Variants in KAT7 observed in about 807,000 individuals in gnomAD.
KAT7 encodes lysine acetyltransferase 7.
Under a neutral mutation model 82.1 loss-of-function variants are expected in KAT7, and 10 were observed. The ratio of observed to expected loss-of-function variants is 0.12; its 90% CI spans 0.08 to 0.21. The LOEUF is 0.21. Among genes scored for constraint, KAT7 ranks in the 10% least tolerant of loss-of-function variants. The pLI is 1.00. For missense variants in KAT7, 378 were observed against 760.9 expected, an observed-to-expected ratio of 0.50 and a Z score of 5.92; for synonymous variants, 250 against 262.5, an observed-to-expected ratio of 0.95 and a Z score of 0.46.
intron 1 of KAT7, among the ~76,000 whole-genome samples, chr17:49,791,550 C>T (rs918639918): frequency 2.1e-4 from 32 of 152,106 alleles, no homozygotes; most frequent in African/African-American, 7.0e-4. Flanking sequence ...CCCAGCTACT[C>T]GGGAGGCTGA....
chr17:49,820,721 T>TGG (rs1164193383), intron 9 of KAT7, among the ~76,000 whole-genome samples: 4 of 151,622 alleles, frequency 2.6e-5, no homozygotes, highest in African/African-American at 7.3e-5. Context: ...GACCCTAGCT[T>TGG]CCTGCTGCTC....
At chr17:49,808,514 G>T (rs1245283039) in intron 5 of KAT7, among the ~76,000 whole-genome samples, 2 of 150,042 alleles carry the variant, frequency 1.3e-5, no homozygotes, top group African/African-American at 2.5e-5. Flanking sequence ...GCAGTGGTGC[G>T]ATCTCGGCTC....
At position 49,830,295 on chromosome 17, in the gene KAT7, G is replaced by A. The variant is rs1202732161; in HGVS notation, c.*2793G>A. 3 of 146,576 alleles carry A rather than the reference G, an allele frequency of 2.0e-5. No individual in the cohort carries two copies. The highest frequency in any genetic ancestry group is 7.7e-5 in the African/African-American group (3 of 38,968). The allele number at this position is 146,576 out of a possible 1,614,324, so 9.1% of individuals were successfully genotyped here. ...TGCAATGTCTGCCTCCTGGATTCCAGTGATTCTCCTGCCTCAGCCTCTCAA... is the reference window on the plus strand; with the variant it reads ...TGCAATGTCTGCCTCCTGGATTCCAATGATTCTCCTGCCTCAGCCTCTCAA... On this transcript the variant is annotated 3_prime_UTR_variant, in exon 15 of 15. Coordinates refer to ENST00000259021, the MANE Select transcript of KAT7 (RefSeq NM_007067.5).
At chr17:49,799,738 A>T (rs139207142) in intron 4 of KAT7, among the ~76,000 whole-genome samples, 46 of 151,894 alleles carry the variant, frequency 3.0e-4, no homozygotes, top group Non-Finnish European at 3.4e-4. Context: ...ATCATAGCTC[A>T]CTGCAGCCTT....
chr17:49,788,728 G>T lies in KAT7; in HGVS notation c.-107G>T. 1.6e-6 allele frequency: 2 copies of T among 1,241,290 alleles called. No individual in the cohort carries two copies. The highest frequency in any genetic ancestry group is 1.1e-6 in the Non-Finnish European group (1 of 905,128). The allele number at this position is 1,241,290 out of a possible 1,614,324, so 76.9% of individuals were successfully genotyped here. On this transcript the variant is annotated 5_prime_UTR_variant, in exon 1 of 15. Transcript: ENST00000259021. ...AGGCAGGAGGCACTAGGGATCGTCC[G>T]CAGGATTGGGACTGATACAGAGGCC... is the stretch of plus-strand genomic sequence containing the variant.
Position 49,833,693 on chromosome 17 carries a change from G to C in KAT7, c.*6191G>C, listed in dbSNP as rs927692257. The C allele has an allele frequency of 1.3e-5, 2 of 152,230 alleles. No homozygotes were observed. The highest frequency in any genetic ancestry group is 2.4e-5 in the African/African-American group (1 of 41,432). 9.4% of individuals were successfully genotyped at this position (152,230 alleles called of 1,614,324 possible). On this transcript the variant is annotated 3_prime_UTR_variant, in exon 15 of 15. Coordinates refer to ENST00000259021, the MANE Select transcript of KAT7 (RefSeq NM_007067.5). ...AAGCCCAGACTTGTGTCTCTTGAAG[G>C]TTTCAACCCCGCCAGACTCCCAGCT...
At chr17:49,789,026 C>T (rs1425674277) in intron 1 of KAT7, 177 bp downstream of exon 1, 11 of 495,730 alleles carry the variant, frequency 2.2e-5, no homozygotes, top group Non-Finnish European at 3.9e-5. Flanking sequence ...ACCCTGGCCT[C>T]GGCCTATGCT....
rs187704501 is a variant in KAT7 at position 49,812,001 on chromosome 17, A to G, written c.852+427A>G. ...GTATTAATTGGGTGAATATTCTGTA[A>G]TAGACCTTCTTGTAGTATTTTAACA... On this transcript the variant is annotated intron_variant, in intron 7 of 14. Coordinates refer to ENST00000259021, the MANE Select transcript of KAT7 (RefSeq NM_007067.5). 2.2e-3 allele frequency among the ~76,000 whole-genome samples: 336 copies of G among 152,312 alleles called. 1 individual carries two copies. The highest frequency in any genetic ancestry group is 5.2e-3 in the South Asian group (25 of 4,828).
chr17:49,813,660 T>C (rs1239392492), intron 7 of KAT7, among the ~76,000 whole-genome samples: 1 of 152,216 alleles, frequency 6.6e-6, no homozygotes, highest in Non-Finnish European at 1.5e-5. Context: ...GAAATAGTAG[T>C]GTTAACAGCT....
intron 14 of KAT7, chr17:49,827,167 A>G (rs1444557902): frequency 9.6e-6 from 5 of 520,914 alleles, no homozygotes; most frequent in South Asian, 8.7e-5. Context: ...AAATTATTTC[A>G]TATATACAAT....
chr17:49,818,119 T>C, intron 9 of KAT7, 108 bp downstream of exon 9: 1 of 802,000 alleles, frequency 1.2e-6, no homozygotes, highest in East Asian at 2.6e-5. Flanking sequence ...TCAGTGGTCC[T>C]CAGCAGTGGG....
In KAT7 at chr17:49,798,529, A is replaced by C; in HGVS notation, c.551A>C (p.Lys184Thr). The change falls in exon 4 of 15, where the codon AAG (lysine) becomes ACG (threonine). Residue 184 changes from lysine (K) to threonine (T), a missense_variant. Transcript: ENST00000259021. ...RFHESYNFNM[K>T]CPTPGCNSLG... ...CATGAAAGCTACAACTTCAATATGA[A>C]GTGTCCTACACCAGGCTGTAACTCT... 6.2e-7 allele frequency: 1 copy of C among 1,613,872 alleles called. No homozygotes were observed. Among genetic ancestry groups the C allele is most frequent in the Non-Finnish European group, 8.5e-7 (1 of 1,179,782 alleles).
At chr17:49,811,283 T>C (rs2074161900) in intron 6 of KAT7, among the ~76,000 whole-genome samples, 193 bp from the exon 7 acceptor site, 1 of 152,022 alleles carries the variant, frequency 6.6e-6, no homozygotes, top group South Asian at 2.1e-4. Flanking sequence ...ATTTTTGTAT[T>C]TTTAATAGAG....
At chr17:49,813,756 A>G (rs994757039) in intron 7 of KAT7, among the ~76,000 whole-genome samples, 11 of 152,158 alleles carry the variant, frequency 7.2e-5, no homozygotes, top group Non-Finnish European at 1.0e-4. Context: ...ATATGCAAAT[A>G]TGACATCATT....
intron 4 of KAT7, among the ~76,000 whole-genome samples, chr17:49,802,685 A>T (rs1408954650): frequency 6.6e-6 from 1 of 150,942 alleles, no homozygotes; most frequent in Non-Finnish European, 1.5e-5. Flanking sequence ...AAAAAAAAAG[A>T]CGTATGGATA....
At chr17:49,795,163 A>G (rs766955033) in intron 2 of KAT7, among the ~76,000 whole-genome samples, 3 of 152,220 alleles carry the variant, frequency 2.0e-5, no homozygotes, top group Non-Finnish European at 2.9e-5. Flanking sequence ...CTCACCACAA[A>G]GAAATGACAA....
intron 9 of KAT7, among the ~76,000 whole-genome samples, chr17:49,819,128 A>G (rs1270530747): frequency 2.6e-5 from 4 of 151,920 alleles, no homozygotes; most frequent in African/African-American, 7.3e-5. Flanking sequence ...CAGGATTTCC[A>G]TATGTTGAGC....
chr17:49,834,243 G>C lies in KAT7; in HGVS notation c.*6741G>C, dbSNP rs1369362595. ...GCTCACTGCTGCGTCGCCTTCCCAG[G>C]CTCCAGCTATCCTCCCACCTCAACC... On this transcript the variant is annotated 3_prime_UTR_variant, in exon 15 of 15. Coordinates refer to ENST00000259021, the MANE Select transcript of KAT7 (RefSeq NM_007067.5). 1 of 152,222 alleles carries C rather than the reference G, an allele frequency of 6.6e-6. No individual in the cohort carries two copies. The highest frequency in any genetic ancestry group is 1.5e-5 in the Non-Finnish European group (1 of 68,058). The allele number at this position is 152,222 out of a possible 1,614,324, so 9.4% of individuals were successfully genotyped here.
chr17:49,795,647 G>A, intron 2 of KAT7: 1 of 246,108 alleles, frequency 4.1e-6, no homozygotes, highest in Non-Finnish European at 8.9e-6. Flanking sequence ...AAGAACAAAA[G>A]TAAGAAGACC....
Sources: gnomAD v4.1 joint callset for allele counts (sites outside exome capture counted in the v4.1 genomes callset) on GRCh38, gnomAD v4.1.1 for gene constraint, MANE v1.5 for transcripts, NCBI Gene and HGNC (gene_info 2026-07-23, HGNC 2026-07-21) for gene names.